TAOK1: variants seen among roughly 807,000 people sequenced by gnomAD.
TAOK1 encodes serine/threonine-protein kinase TAO1.
A neutral mutation model predicts 138.3 loss-of-function variants in TAOK1; 21 were observed. The observed-to-expected ratio is 0.15, with a 90% CI of 0.11 to 0.22. TAOK1 has a LOEUF of 0.22. TAOK1 is among the 10% of genes least tolerant of loss of function. The probability of loss-of-function intolerance (pLI) is 1.00; values close to 1 mark genes in which losing one functional copy is unlikely to be tolerated. For synonymous variants in TAOK1, 361 were observed against 398.4 expected (o/e 0.91, Z 1.12); for missense variants, 651 against 1,227.7 (o/e 0.53, Z 7.02).
chr17:29,409,137 TC>T (rs1905076001), intron 1 of TAOK1, among the ~76,000 whole-genome samples: 5 of 152,110 alleles, frequency 3.3e-5, no homozygotes, highest in African/African-American at 1.2e-4. Context: ...GTGATATTTA[TC>T]TATGTTGCGT....
At chr17:29,498,047 G>A (rs2031447169) in intron 11 of TAOK1, among the ~76,000 whole-genome samples, 1 of 152,066 alleles carries the variant, frequency 6.6e-6, no homozygotes, top group African/African-American at 2.4e-5. Flanking sequence ...ATAAAATATT[G>A]TACTTTGAAA....
At chr17:29,433,794 C>T (rs971476079) in intron 1 of TAOK1, among the ~76,000 whole-genome samples, 2 of 152,010 alleles carry the variant, frequency 1.3e-5, no homozygotes, top group African/African-American at 4.8e-5. Context: ...CTCTGGGGAC[C>T]CTCTCCCACC....
At chr17:29,440,017 C>T (rs140203477) in intron 1 of TAOK1, among the ~76,000 whole-genome samples, 5 of 152,020 alleles carry the variant, frequency 3.3e-5, no homozygotes, top group East Asian at 1.9e-4. Flanking sequence ...CCAGTGTATG[C>T]GTGGAATTTT....
intron 1 of TAOK1, among the ~76,000 whole-genome samples, chr17:29,428,611 T>C (rs1208686889): frequency 6.6e-6 from 1 of 152,110 alleles, no homozygotes; most frequent in East Asian, 1.9e-4. Context: ...GTGGTAATTA[T>C]TTTAAAACAG....
In TAOK1 at chr17:29,533,465, G is replaced by A. The variant is rs572867431; in HGVS notation, c.2362-653G>A. 2.0e-4 allele frequency among the ~76,000 whole-genome samples: 31 copies of A among 151,974 alleles called. 1 individual carries two copies. The East Asian group carries it at 5.9e-3, about 29-fold the overall frequency. Reference sequence around the variant, plus strand: ...GCGGCCGGGCAGAGGCTGCAATCTCGGCACTTTGGGAGGCCAAGGCAGGCG... The same window carrying A: ...GCGGCCGGGCAGAGGCTGCAATCTCAGCACTTTGGGAGGCCAAGGCAGGCG... On this transcript the variant is annotated intron_variant, in intron 18 of 19. Transcript: ENST00000261716.
At chr17:29,468,180 AGGCTG>A (rs1369287762) in intron 3 of TAOK1, among the ~76,000 whole-genome samples, 1 of 102,978 alleles carries the variant, frequency 9.7e-6, no homozygotes, top group African/African-American at 4.0e-5. Context: ...TCTGCTGCCC[AGGCTG>A]GAGTGCAGTG....
At chr17:29,450,839 G>C (rs768430247) in intron 1 of TAOK1, among the ~76,000 whole-genome samples, 2 of 152,128 alleles carry the variant, frequency 1.3e-5, no homozygotes, top group Non-Finnish European at 2.9e-5. Flanking sequence ...TTAAAACTGG[G>C]TAATCTGATA....
chr17:29,454,670 A>G (rs778955766), intron 2 of TAOK1, among the ~76,000 whole-genome samples: 3 of 151,806 alleles, frequency 2.0e-5, no homozygotes, highest in African/African-American at 7.3e-5. Context: ...TTTCACCTCC[A>G]TGCAACATAT....
chr17:29,430,033 TTTC>T (rs2153022549), intron 1 of TAOK1, among the ~76,000 whole-genome samples: 1 of 152,320 alleles, frequency 6.6e-6, no homozygotes, highest in Admixed American at 6.5e-5. Flanking sequence ...ACAAGAGCTT[TTTC>T]TTCCATTTGA....
At chr17:29,466,344 A>G (rs1043150245) in intron 2 of TAOK1, among the ~76,000 whole-genome samples, 5 of 152,024 alleles carry the variant, frequency 3.3e-5, no homozygotes, top group African/African-American at 1.2e-4. Context: ...GATTTTCACC[A>G]TGTTGGCCAG....
At chr17:29,532,963 C>T (rs1410342899) in intron 18 of TAOK1, among the ~76,000 whole-genome samples, 13 of 115,816 alleles carry the variant, frequency 1.1e-4, no homozygotes, top group Non-Finnish European at 1.4e-4. Flanking sequence ...CCCTCCCGGA[C>T]GGGGCGGGTG....
intron 9 of TAOK1, among the ~76,000 whole-genome samples, chr17:29,491,316 G>A (rs2031290732): frequency 6.6e-6 from 1 of 151,964 alleles, no homozygotes; most frequent in African/African-American, 2.4e-5. Context: ...TTGCTCAGGG[G>A]CACCAAATAC....
At chr17:29,474,784 A>G (rs77730885) in intron 3 of TAOK1, among the ~76,000 whole-genome samples, 1,992 of 152,056 alleles carry the variant, frequency 0.013, 44 homozygotes, top group African/African-American at 0.045. Flanking sequence ...AAGTGAGCCC[A>G]TGCTATTGGA....
chr17:29,527,061 G>A (rs186893928), intron 17 of TAOK1, among the ~76,000 whole-genome samples: 2,274 of 152,178 alleles, frequency 0.015, 55 homozygotes, highest in African/African-American at 0.052. Context: ...CGGAGTCGGA[G>A]GTTGCAGTGA....
At chr17:29,472,594 A>T (rs1421889937) in intron 3 of TAOK1, among the ~76,000 whole-genome samples, 3 of 101,830 alleles carry the variant, frequency 2.9e-5, no homozygotes, top group African/African-American at 4.0e-5. Context: ...TTTTTTTGAG[A>T]TGGAGTTTCG....
At chr17:29,524,063 T>G (rs2031965604) in intron 17 of TAOK1, among the ~76,000 whole-genome samples, 1 of 152,208 alleles carries the variant, frequency 6.6e-6, no homozygotes, top group South Asian at 2.1e-4. Context: ...GATGCTTTAT[T>G]GTTTTCATGT....
chr17:29,463,586 T>G (rs78407816), intron 2 of TAOK1, among the ~76,000 whole-genome samples: 23,989 of 147,366 alleles, frequency 0.16, 2,956 homozygotes, highest in East Asian at 0.65. Context: ...AAAAAAAAAA[T>G]TAACTCAAAA....
At chr17:29,533,186 T>C (rs1233342558) in intron 18 of TAOK1, among the ~76,000 whole-genome samples, 1 of 131,702 alleles carries the variant, frequency 7.6e-6, no homozygotes. Flanking sequence ...GCAGAGGCGC[T>C]CCTCACATCC....
chr17:29,532,501 AGT>A (rs1379811816), intron 18 of TAOK1, among the ~76,000 whole-genome samples: 1 of 152,062 alleles, frequency 6.6e-6, no homozygotes, highest in African/African-American at 2.4e-5. Context: ...CGGCCTTCCC[AGT>A]GTTTGTGTCC....
Sources: allele counts gnomAD v4.1 joint callset (sites outside exome capture counted in the v4.1 genomes callset), GRCh38; gene constraint gnomAD v4.1.1; transcripts MANE v1.5; gene names NCBI Gene and HGNC (gene_info 2026-07-23, HGNC 2026-07-21).